KIFAP3: variants seen among roughly 807,000 people sequenced by gnomAD.
The protein encoded by KIFAP3 is kinesin associated protein 3.
KIFAP3 carries 68 observed loss-of-function variants against 106.5 expected under a neutral mutation model. The ratio of observed to expected loss-of-function variants is 0.64; its 90% CI spans 0.53 to 0.78. The LOEUF (loss-of-function observed/expected upper bound fraction) is 0.78. KIFAP3 is among the 30% of genes least tolerant of loss of function. The pLI is 0.00. For missense variants in KIFAP3, 780 were observed against 941.8 expected (o/e 0.83, Z 2.25); for synonymous variants, 320 against 311.5 (o/e 1.03, Z -0.29).
chr1:169,957,893 CT>C (rs1329232069), intron 18 of KIFAP3: 10 of 152,500 alleles, frequency 6.6e-5, no homozygotes, highest in Middle Eastern at 3.4e-3. Flanking sequence ...ACCCAAAGTG[CT>C]GGGATTACAA....
chr1:170,041,235 G>C (rs1007767562), intron 3 of KIFAP3, among the ~76,000 whole-genome samples: 1 of 152,132 alleles, frequency 6.6e-6, no homozygotes, highest in Non-Finnish European at 1.5e-5. Flanking sequence ...TAAGTACAAG[G>C]CATTTTATTA....
At chr1:170,078,651 G>C (rs1348029724), upstream of KIFAP3, among the ~76,000 whole-genome samples, 8 of 152,056 alleles carry the variant, frequency 5.3e-5, no homozygotes, top group Non-Finnish European at 1.2e-4. Context: ...ATCTCTTAAA[G>C]ACATTGAATA....
chr1:169,984,464 A>C, intron 12 of KIFAP3, 118 bp downstream of exon 12: 1 of 470,468 alleles, frequency 2.1e-6, no homozygotes, highest in Non-Finnish European at 3.8e-6. Context: ...TATAATGAAG[A>C]AATTATTTGA....
At position 169,998,629 on chromosome 1, in the gene KIFAP3, G is replaced by C. The variant is rs1223825940; in HGVS notation, c.1184-6374C>G. On this transcript the variant is annotated intron_variant, in intron 10 of 19. Coordinates refer to ENST00000361580, the MANE Select transcript of KIFAP3 (RefSeq NM_014970.4). The stretch of plus-strand genomic sequence containing the variant: ...AATTCCCCCCCTTTTTGTAATTAGG[G>C]AATGAAAAAGATATAAACTGGCATT... Among the ~76,000 whole-genome samples the C allele has an allele frequency of 2.6e-5, 4 of 151,800 alleles. No homozygotes were observed. The East Asian group carries it at 7.7e-4, about 29-fold the overall frequency.
At chr1:170,068,256 T>C (rs1399097833) in intron 1 of KIFAP3, 1 of 152,110 alleles carries the variant, frequency 6.6e-6, no homozygotes, top group Non-Finnish European at 1.5e-5. Flanking sequence ...ACTGGACTTA[T>C]CAAAGACTTT....
intron 19 of KIFAP3, among the ~76,000 whole-genome samples, chr1:169,929,016 G>T (rs1275669597): frequency 6.6e-6 from 1 of 152,070 alleles, no homozygotes; most frequent in East Asian, 1.9e-4. Context: ...GAAATAACGA[G>T]TATAAAACAA....
intron 10 of KIFAP3, among the ~76,000 whole-genome samples, chr1:170,009,715 T>G (rs1362030703): frequency 6.6e-6 from 1 of 152,128 alleles, no homozygotes; most frequent in African/African-American, 2.4e-5. Context: ...TCTAGGGTAC[T>G]GAAGAATACA....
chr1:170,055,288 A>C lies in KIFAP3; in HGVS notation c.164+17T>G. ...AATGTTCACTACTTTCAAAATGTGC[A>C]CAAATAAAGAACTTACATTTTTTGA... On this transcript the variant is annotated intron_variant, in intron 2 of 19. Coordinates refer to ENST00000361580, the MANE Select transcript of KIFAP3 (RefSeq NM_014970.4). 1 of 1,589,008 alleles carries C rather than the reference A, an allele frequency of 6.3e-7. No individual in the cohort carries two copies. Among genetic ancestry groups the C allele is most frequent in the Non-Finnish European group, 8.5e-7 (1 of 1,172,124 alleles).
intron 19 of KIFAP3, among the ~76,000 whole-genome samples, chr1:169,945,601 A>G (rs1482601171): frequency 1.3e-5 from 2 of 152,230 alleles, no homozygotes; most frequent in African/African-American, 4.8e-5. Flanking sequence ...GGCTTTCTAT[A>G]CAGCTAATGT....
At chr1:169,987,112 T>TA (rs1267433428) in intron 11 of KIFAP3, among the ~76,000 whole-genome samples, 1 of 152,118 alleles carries the variant, frequency 6.6e-6, no homozygotes, top group Non-Finnish European at 1.5e-5. Flanking sequence ...AAGCAATGTT[T>TA]AGTTCAAACT....
At chr1:170,064,252 T>C (rs987093310) in intron 1 of KIFAP3, among the ~76,000 whole-genome samples, 3 of 152,246 alleles carry the variant, frequency 2.0e-5, no homozygotes, top group Non-Finnish European at 4.4e-5. Context: ...CTTATCTTAC[T>C]ACCTGTTTAG....
intron 10 of KIFAP3, 140 bp from the exon 11 acceptor site, chr1:169,992,395 T>C: frequency 2.4e-6 from 1 of 413,760 alleles, no homozygotes; most frequent in Non-Finnish European, 4.3e-6. Context: ...AGCTATCTAT[T>C]TCAAATCCAA....
At chr1:170,062,391 T>A (rs959099578) in intron 1 of KIFAP3, among the ~76,000 whole-genome samples, 1 of 151,564 alleles carries the variant, frequency 6.6e-6, no homozygotes, top group Non-Finnish European at 1.5e-5. Flanking sequence ...TTTCATTTTT[T>A]AAAAAAAACA....
At chr1:169,979,636 T>C (rs938301541) in intron 15 of KIFAP3, among the ~76,000 whole-genome samples, 3 of 152,058 alleles carry the variant, frequency 2.0e-5, no homozygotes, top group African/African-American at 7.2e-5. Flanking sequence ...ATGCCCAGTA[T>C]TGGAGGTGAT....
At chr1:170,056,054 C>T (rs949281879) in intron 1 of KIFAP3, among the ~76,000 whole-genome samples, 1 of 151,824 alleles carries the variant, frequency 6.6e-6, no homozygotes, top group African/African-American at 2.4e-5. Context: ...TCACTTGAGC[C>T]CTCTGATGGT....
At chr1:170,078,623 A>G (rs942177675), upstream of KIFAP3, among the ~76,000 whole-genome samples, 18 of 152,206 alleles carry the variant, frequency 1.2e-4, no homozygotes, top group Admixed American at 6.5e-4. Flanking sequence ...GAACAAAGAG[A>G]AAATGTTAAA....
Position 170,038,513 on chromosome 1 carries a change from A to G in KIFAP3, c.376-82T>C, listed in dbSNP as rs970472242. ...AGAAATGTTATTTTGTGATCAATAT[A>G]CTGGCCTTTATAACAACACACAAAT... On this transcript the variant is annotated intron_variant, in intron 4 of 19. Transcript: ENST00000361580. 17 of 1,371,432 alleles carry G rather than the reference A, an allele frequency of 1.2e-5. No homozygotes were observed. In the Admixed American group the frequency reaches 2.7e-4, roughly 22 times the overall value. The allele number at this position is 1,371,432 out of a possible 1,614,324, so 85.0% of individuals were successfully genotyped here. A position where few individuals can be genotyped will look rare whatever the true frequency, so the allele number is the denominator to read the frequency against.
At chr1:169,932,093 T>C (rs989755760) in intron 19 of KIFAP3, among the ~76,000 whole-genome samples, 8 of 152,164 alleles carry the variant, frequency 5.3e-5, no homozygotes, top group African/African-American at 1.7e-4. Flanking sequence ...TTAAACTAAA[T>C]GCTATGATAC....
chr1:170,057,459 T>C (rs1253819524), intron 1 of KIFAP3, among the ~76,000 whole-genome samples: 1 of 151,970 alleles, frequency 6.6e-6, no homozygotes. Flanking sequence ...ATAGAAAAAC[T>C]AAAACAGAAA....
Sources: gnomAD v4.1 joint callset for allele counts (sites outside exome capture counted in the v4.1 genomes callset) on GRCh38, gnomAD v4.1.1 for gene constraint, MANE v1.5 for transcripts, NCBI Gene and HGNC (gene_info 2026-07-23, HGNC 2026-07-21) for gene names.